Variants in ADGRA3 observed in about 807,000 individuals in gnomAD.
ADGRA3 encodes the protein adhesion G protein-coupled receptor A3, also known as G-protein coupled receptor 125.
ADGRA3 carries 56 observed loss-of-function variants against 119.8 expected under a neutral mutation model. The observed-to-expected ratio is 0.47, with a 90% CI of 0.38 to 0.58. The LOEUF (loss-of-function observed/expected upper bound fraction) is 0.58. ADGRA3 is among the 20% of genes least tolerant of loss of function. The probability of loss-of-function intolerance (pLI) is 0.00; values close to 1 mark genes in which losing one functional copy is unlikely to be tolerated. For synonymous variants in ADGRA3, 607 were observed against 623.8 expected, an observed-to-expected ratio of 0.97 and a Z score of 0.40; for missense variants, 1,516 against 1,649.0, an observed-to-expected ratio of 0.92 and a Z score of 1.40.
At chr4:22,418,799 T>C (rs1715533521) in intron 12 of ADGRA3, among the ~76,000 whole-genome samples, 1 of 151,952 alleles carries the variant, frequency 6.6e-6, no homozygotes, top group Non-Finnish European at 1.5e-5. Context: ...GGCCTCCTGT[T>C]CTGCAGGCAC....
At chr4:22,467,387 T>C (rs1373369528) in intron 2 of ADGRA3, among the ~76,000 whole-genome samples, 1 of 152,206 alleles carries the variant, frequency 6.6e-6, no homozygotes, top group Non-Finnish European at 1.5e-5. Context: ...CAAGATAAGA[T>C]TATTTTATGA....
In ADGRA3 at chr4:22,515,593, C is replaced by T. The variant is rs757835637; in HGVS notation, c.192G>A (p.Val64=). 6.3e-7 allele frequency: 1 copy of T among 1,590,530 alleles called. No homozygotes were observed. Among genetic ancestry groups the T allele is most frequent in the South Asian group, 1.1e-5 (1 of 89,536 alleles). ...CCTGCGCGAGTTCCAGGCTGCTGCA[C>T]ACCACCTTGCCCTCGGCGGCGCCCG... is the stretch of plus-strand genomic sequence containing the variant. ...RAAGAAEGKV[V]CSSLELAQVL... Residue 64 remains valine (V), a synonymous_variant, in exon 1 of 19, where the codon GTG becomes GTA. Transcript: ENST00000334304.
chr4:22,410,548 C>A (rs1715150298), intron 14 of ADGRA3, among the ~76,000 whole-genome samples: 1 of 151,594 alleles, frequency 6.6e-6, no homozygotes, highest in Admixed American at 6.6e-5. Context: ...GGACTATATC[C>A]CAAGATAGGA....
intron 17 of ADGRA3, among the ~76,000 whole-genome samples, chr4:22,391,742 C>T (rs1462702429): frequency 2.0e-5 from 3 of 152,204 alleles, no homozygotes; most frequent in Non-Finnish European, 4.4e-5. Context: ...TGAATTCCTG[C>T]TACTTGACAC....
At chr4:22,451,770 G>C (rs575637049) in intron 4 of ADGRA3, among the ~76,000 whole-genome samples, 1 of 152,186 alleles carries the variant, frequency 6.6e-6, no homozygotes, top group African/African-American at 2.4e-5. Context: ...GAAACGGCTA[G>C]AACAGTGATC....
chr4:22,456,513 C>T (rs1577359835), intron 3 of ADGRA3, among the ~76,000 whole-genome samples: 1 of 152,322 alleles, frequency 6.6e-6, no homozygotes, highest in East Asian at 1.9e-4. Flanking sequence ...GGTTCTTTGT[C>T]TTTTGGACTC....
At chr4:22,421,799 G>C (rs1715697601) in intron 11 of ADGRA3, among the ~76,000 whole-genome samples, 2 of 136,920 alleles carry the variant, frequency 1.5e-5, no homozygotes, top group Admixed American at 8.1e-5. Context: ...AGAATTGCTT[G>C]AACTTAGGGA....
At chr4:22,481,119 T>TAA (rs1718247581) in intron 1 of ADGRA3, among the ~76,000 whole-genome samples, 1 of 152,188 alleles carries the variant, frequency 6.6e-6, no homozygotes, top group Middle Eastern at 3.2e-3. Context: ...GACACTGTGT[T>TAA]AGATTTGGCC....
intron 1 of ADGRA3, among the ~76,000 whole-genome samples, chr4:22,508,660 C>G (rs958805226): frequency 2.6e-5 from 4 of 152,142 alleles, no homozygotes; most frequent in Non-Finnish European, 5.9e-5. Context: ...GCTCCTCTCT[C>G]CCTTGGCTGC....
intron 17 of ADGRA3, among the ~76,000 whole-genome samples, chr4:22,391,151 T>C (rs1714120953): frequency 6.6e-6 from 1 of 152,120 alleles, no homozygotes; most frequent in African/African-American, 2.4e-5. Flanking sequence ...GGAGTTCCTA[T>C]TCATTATCAT....
intron 12 of ADGRA3, among the ~76,000 whole-genome samples, chr4:22,419,051 A>G (rs1715544049): frequency 6.6e-6 from 1 of 152,170 alleles, no homozygotes; most frequent in Non-Finnish European, 1.5e-5. Flanking sequence ...TGGGAGTCCG[A>G]AGCAGGCTGA....
intron 1 of ADGRA3, among the ~76,000 whole-genome samples, chr4:22,493,851 A>G (rs1378450033): frequency 6.6e-6 from 1 of 152,142 alleles, no homozygotes; most frequent in Non-Finnish European, 1.5e-5. Context: ...CCTCGCTAAT[A>G]AAACAGGTTG....
At chr4:22,499,439 TCA>T (rs1458658228) in intron 1 of ADGRA3, among the ~76,000 whole-genome samples, 2 of 152,204 alleles carry the variant, frequency 1.3e-5, no homozygotes. Context: ...CCACTTCCAT[TCA>T]CAGTCTCATG....
rs182441070 is a variant in ADGRA3, at chr4:22,436,907, A to T, written c.1086-266T>A. On this transcript the variant is annotated intron_variant, in intron 8 of 18. Coordinates refer to ENST00000334304, the MANE Select transcript of ADGRA3 (RefSeq NM_145290.4). ...ATGACAGTATCAGTCACACCAAAAC[A>T]GAATTCATTACAAAAACCACATAAA... Among the ~76,000 whole-genome samples the T allele has an allele frequency of 3.3e-5, 5 of 152,284 alleles. No individual in the cohort carries two copies. The East Asian group carries it at 9.6e-4, about 29-fold the overall frequency.
chr4:22,507,186 G>A lies in ADGRA3; in HGVS notation c.257+8342C>T, dbSNP rs531973212. Among the ~76,000 whole-genome samples the A allele has an allele frequency of 6.6e-5, 10 of 152,216 alleles. No individual in the cohort carries two copies. The East Asian group carries it at 1.5e-3, about 24-fold the overall frequency. Reference sequence around the variant, plus strand: ...ACCCAGGTGGTGGAGCTTGCAGTGAGCCGAGATCGCGCCACTGCACTCCAG... The same window carrying A: ...ACCCAGGTGGTGGAGCTTGCAGTGAACCGAGATCGCGCCACTGCACTCCAG... On this transcript the variant is annotated intron_variant, in intron 1 of 18. Coordinates refer to ENST00000334304, the MANE Select transcript of ADGRA3 (RefSeq NM_145290.4).
chr4:22,499,615 A>G (rs1718981045), intron 1 of ADGRA3, among the ~76,000 whole-genome samples: 1 of 152,286 alleles, frequency 6.6e-6, no homozygotes, highest in South Asian at 2.1e-4. Context: ...TACTCCCCCT[A>G]TGATGTTCTT....
At position 22,507,603 on chromosome 4, in the gene ADGRA3, A is replaced by G. The variant is rs564636860; in HGVS notation, c.257+7925T>C. ...ATATTCGTTTGTTTTGGGACTTGGT[A>G]TCCTGCCAAACCCACCAACTTCTCC... On this transcript the variant is annotated intron_variant, in intron 1 of 18. Transcript: ENST00000334304. Among the ~76,000 whole-genome samples, 13 of 152,292 alleles carry G rather than the reference A, an allele frequency of 8.5e-5. No homozygotes were observed. In the South Asian group the frequency reaches 2.5e-3, roughly 29 times the overall value.
intron 5 of ADGRA3, among the ~76,000 whole-genome samples, 168 bp downstream of exon 5, chr4:22,447,272 T>C (rs565460792): frequency 1.0e-3 from 155 of 152,244 alleles, no homozygotes; most frequent in African/African-American, 3.6e-3. Flanking sequence ...TAAACCACAT[T>C]ATTCAGGGTT....
Position 22,515,546 on chromosome 4 carries a change from G to A in ADGRA3, c.239C>T (p.Pro80Leu). Reference sequence around the variant, plus strand: ...TACTCACAGGGTGACCGTGCGGTTGGGCAGAGTATCTGGGGGCAGGACCTG... The same window carrying A: ...TACTCACAGGGTGACCGTGCGGTTGAGCAGAGTATCTGGGGGCAGGACCTG... Reference protein sequence around the residue: ...LAQVLPPDTLPNRTVTLILSN... With the variant: ...LAQVLPPDTLLNRTVTLILSN... The change falls in exon 1 of 19, where the codon CCC becomes CTC. Residue 80 changes from proline (P) to leucine (L), a missense_variant. Transcript: ENST00000334304. The A allele has an allele frequency of 6.3e-7, 1 of 1,599,450 alleles. No homozygotes were observed. Among genetic ancestry groups the A allele is most frequent in the Non-Finnish European group, 8.5e-7 (1 of 1,169,880 alleles).
Sources: gnomAD v4.1 joint callset for allele counts (sites outside exome capture counted in the v4.1 genomes callset) on GRCh38, gnomAD v4.1.1 for gene constraint, MANE v1.5 for transcripts, NCBI Gene and HGNC (gene_info 2026-07-23, HGNC 2026-07-21) for gene names.